NTM: variants seen among roughly 807,000 people sequenced by gnomAD.
The protein encoded by NTM is neurotrimin.
A neutral mutation model predicts 42.1 loss-of-function variants in NTM; 13 were observed. The ratio of observed to expected loss-of-function variants is 0.31; its 90% CI spans 0.20 to 0.49. The LOEUF is 0.49. Among genes scored for constraint, NTM ranks in the 20% least tolerant of loss-of-function variants. The pLI, the probability that NTM is intolerant of heterozygous loss-of-function variation, is 0.99. For synonymous variants in NTM, 187 were observed against 179.2 expected, an observed-to-expected ratio of 1.04 and a Z score of -0.35; for missense variants, 373 against 452.8, an observed-to-expected ratio of 0.82 and a Z score of 1.60.
intron 2 of NTM, among the ~76,000 whole-genome samples, chr11:131,966,702 C>T (rs913696065): frequency 2.0e-5 from 3 of 152,108 alleles, no homozygotes; most frequent in Non-Finnish European, 4.4e-5. Context: ...GGAGAGGTGA[C>T]AGCAGTCTCG....
chr11:131,387,295 GCTCTCTCT>G (rs142715982), intron 1 of NTM, among the ~76,000 whole-genome samples: 1 of 148,812 alleles, frequency 6.7e-6, no homozygotes, highest in South Asian at 2.1e-4. Context: ...CTTTCTTGGA[GCTCTCTCT>G]CTCTCTCTCT....
chr11:131,463,636 G>A (rs1951614729), intron 1 of NTM, among the ~76,000 whole-genome samples: 1 of 152,214 alleles, frequency 6.6e-6, no homozygotes, highest in East Asian at 1.9e-4. Flanking sequence ...AATTTATTAT[G>A]CATTATTATT....
intron 2 of NTM, among the ~76,000 whole-genome samples, chr11:132,027,564 C>A (rs981022105): frequency 1.3e-5 from 2 of 152,134 alleles, no homozygotes; most frequent in African/African-American, 4.8e-5. Flanking sequence ...ATATTTCACT[C>A]GACGCTCCTC....
chr11:132,017,050 T>G (rs1226972087), intron 2 of NTM, among the ~76,000 whole-genome samples: 1 of 152,002 alleles, frequency 6.6e-6, no homozygotes, highest in African/African-American at 2.4e-5. Flanking sequence ...CTTTATTAGC[T>G]GTATGATTTG....
intron 2 of NTM, among the ~76,000 whole-genome samples, chr11:132,013,828 G>T (rs2072784391): frequency 6.6e-6 from 1 of 152,108 alleles, no homozygotes; most frequent in Admixed American, 6.6e-5. Flanking sequence ...TAGTGATCAA[G>T]TTGGGGGGTT....
chr11:132,330,938 C>T (rs1285664932), intron 8 of NTM, among the ~76,000 whole-genome samples: 2 of 152,204 alleles, frequency 1.3e-5, no homozygotes, highest in African/African-American at 4.8e-5. Flanking sequence ...GCCTTGATCC[C>T]AGGGTGCTGT....
chr11:132,077,412 A>C (rs2058506362), intron 2 of NTM, among the ~76,000 whole-genome samples: 1 of 152,224 alleles, frequency 6.6e-6, no homozygotes, highest in Non-Finnish European at 1.5e-5. Context: ...TGCCTACAGA[A>C]TGGAAAGGGC....
intron 1 of NTM, among the ~76,000 whole-genome samples, chr11:131,670,187 C>A (rs1233728058): frequency 6.6e-6 from 1 of 152,154 alleles, no homozygotes; most frequent in Non-Finnish European, 1.5e-5. Flanking sequence ...ACAGAAGGCG[C>A]CCCAAAAGCT....
chr11:132,292,316 G>T (rs533803372), intron 4 of NTM, among the ~76,000 whole-genome samples: 36 of 152,290 alleles, frequency 2.4e-4, no homozygotes, highest in African/African-American at 7.5e-4. Flanking sequence ...AAATGTAGGA[G>T]ATAATGAGAT....
intron 7 of NTM, among the ~76,000 whole-genome samples, chr11:132,323,941 T>C (rs2095624921): frequency 6.8e-6 from 1 of 148,062 alleles, no homozygotes; most frequent in African/African-American, 2.5e-5. Context: ...ATTATCTCAA[T>C]AGATGCAGAA....
At chr11:132,059,688 C>G (rs2080299657) in intron 2 of NTM, among the ~76,000 whole-genome samples, 1 of 152,086 alleles carries the variant, frequency 6.6e-6, no homozygotes, top group African/African-American at 2.4e-5. Context: ...GACCAGTTCC[C>G]ATGGACTCCA....
chr11:131,585,391 AAGTTCACCATGGGAG>A (rs2058765525), intron 1 of NTM, among the ~76,000 whole-genome samples: 1 of 151,906 alleles, frequency 6.6e-6, no homozygotes, highest in Admixed American at 6.6e-5. Flanking sequence ...TGGTGGGAGG[AAGTTCACCATGGGAG>A]ACACTCCTCA....
intron 1 of NTM, among the ~76,000 whole-genome samples, chr11:131,803,188 G>A (rs926289130): frequency 6.6e-5 from 10 of 152,072 alleles, no homozygotes; most frequent in African/African-American, 9.7e-5. Context: ...AATTGAGAGG[G>A]GACATTATAC....
chr11:132,213,112 G>T (rs1311124374), intron 4 of NTM, among the ~76,000 whole-genome samples: 1 of 152,172 alleles, frequency 6.6e-6, no homozygotes, highest in Non-Finnish European at 1.5e-5. Context: ...TAATTGTGTT[G>T]CTTATTGCTG....
chr11:131,993,440 T>C (rs2067383111), intron 2 of NTM, among the ~76,000 whole-genome samples: 1 of 152,068 alleles, frequency 6.6e-6, no homozygotes, highest in Non-Finnish European at 1.5e-5. Context: ...ATGGGACTTG[T>C]AGTAGAGGAT....
chr11:132,028,565 G>A (rs1284620158), intron 2 of NTM, among the ~76,000 whole-genome samples: 3 of 152,072 alleles, frequency 2.0e-5, no homozygotes. Context: ...ATGGGTGTGG[G>A]GGGAGGGAAA....
intron 4 of NTM, among the ~76,000 whole-genome samples, chr11:132,231,310 G>A (rs775821972): frequency 2.2e-4 from 34 of 152,170 alleles, no homozygotes; most frequent in Non-Finnish European, 3.8e-4. Flanking sequence ...TTTTGGCAGT[G>A]TTTCCAAGTC....
At chr11:132,276,784 C>T (rs2093742446) in intron 4 of NTM, among the ~76,000 whole-genome samples, 2 of 152,088 alleles carry the variant, frequency 1.3e-5, no homozygotes, top group Admixed American at 1.3e-4. Flanking sequence ...TATATGGGTT[C>T]CTGCAGCCTC....
At chr11:131,714,599 C>A (rs906674988) in intron 1 of NTM, among the ~76,000 whole-genome samples, 4 of 152,214 alleles carry the variant, frequency 2.6e-5, no homozygotes, top group African/African-American at 9.7e-5. Flanking sequence ...CTGATGGTCA[C>A]CTGACATTCC....
Sources: allele counts gnomAD v4.1 joint callset (sites outside exome capture counted in the v4.1 genomes callset), GRCh38; gene constraint gnomAD v4.1.1; transcripts MANE v1.5; gene names NCBI Gene and HGNC (gene_info 2026-07-23, HGNC 2026-07-21).